SDK1: variants seen among roughly 807,000 people sequenced by gnomAD.
The protein encoded by SDK1 is sidekick cell adhesion molecule 1, also known as protein sidekick-1.
A neutral mutation model predicts 245.5 loss-of-function variants in SDK1; 157 were observed. The ratio of observed to expected loss-of-function variants is 0.64; its 90% CI spans 0.56 to 0.73. SDK1 has a LOEUF of 0.73. Among genes scored for constraint, SDK1 ranks in the 30% least tolerant of loss-of-function variants. The pLI is 0.00. For synonymous variants in SDK1, 1,647 were observed against 1,278.5 expected, an observed-to-expected ratio of 1.29 and a Z score of -6.15; for missense variants, 3,583 against 3,002.3, an observed-to-expected ratio of 1.19 and a Z score of -4.52.
chr7:3,766,909 A>C (rs1780270101), intron 4 of SDK1, among the ~76,000 whole-genome samples: 1 of 152,224 alleles, frequency 6.6e-6, no homozygotes, highest in African/African-American at 2.4e-5. Context: ...CAATATGCCC[A>C]AAAGTGGTTC....
At chr7:3,548,979 T>G (rs1374087892) in intron 1 of SDK1, among the ~76,000 whole-genome samples, 3 of 152,210 alleles carry the variant, frequency 2.0e-5, no homozygotes, top group Non-Finnish European at 4.4e-5. Flanking sequence ...CTCTCCCTAC[T>G]ATCAATATAT....
chr7:3,866,075 G>A (rs892986545), intron 5 of SDK1, among the ~76,000 whole-genome samples: 2 of 152,160 alleles, frequency 1.3e-5, no homozygotes, highest in African/African-American at 4.8e-5. Flanking sequence ...AAAACATTAT[G>A]AATATATTTT....
intron 1 of SDK1, among the ~76,000 whole-genome samples, chr7:3,485,763 C>G (rs1350334211): frequency 8.9e-6 from 1 of 112,994 alleles, no homozygotes; most frequent in Non-Finnish European, 1.7e-5. Context: ...TAAAAATGTT[C>G]CATCTATATT....
chr7:4,013,787 T>G (rs6462534), intron 16 of SDK1, among the ~76,000 whole-genome samples: 45,311 of 152,112 alleles, frequency 0.3, 7,569 homozygotes, highest in African/African-American at 0.46. Context: ...GGTACACAAA[T>G]AGCTCCAATC....
intron 4 of SDK1, among the ~76,000 whole-genome samples, chr7:3,689,347 G>A (rs1452875112): frequency 6.6e-6 from 1 of 152,104 alleles, no homozygotes; most frequent in East Asian, 1.9e-4. Flanking sequence ...ATTGTGTGCA[G>A]TTGTTTCTAA....
intron 1 of SDK1, among the ~76,000 whole-genome samples, chr7:3,366,040 A>C (rs1217498058): frequency 3.8e-5 from 1 of 26,422 alleles, no homozygotes; most frequent in African/African-American, 8.0e-5. Context: ...ATTCTGTCTC[A>C]AAAAAAAAAA....
chr7:4,221,132 A>G (rs1018917157), intron 39 of SDK1, 107 bp from the exon 40 acceptor site: 9 of 1,362,350 alleles, frequency 6.6e-6, no homozygotes, highest in African/African-American at 1.4e-5. Flanking sequence ...CTGCCCAGAC[A>G]CTCTGCAGCC....
intron 22 of SDK1, among the ~76,000 whole-genome samples, chr7:4,086,118 A>G (rs1781412436): frequency 6.6e-6 from 1 of 152,182 alleles, no homozygotes; most frequent in East Asian, 1.9e-4. Flanking sequence ...GGAAGGTGGC[A>G]TATTGCGCCT....
chr7:3,819,383 C>T (rs1430730704), intron 4 of SDK1, among the ~76,000 whole-genome samples: 2 of 151,624 alleles, frequency 1.3e-5, no homozygotes, highest in Non-Finnish European at 2.9e-5. Context: ...TGAAATAATG[C>T]CGTAAATAAT....
chr7:3,593,825 C>T (rs1254780149), intron 1 of SDK1, among the ~76,000 whole-genome samples: 1 of 151,956 alleles, frequency 6.6e-6, no homozygotes, highest in African/African-American at 2.4e-5. Context: ...TGCCACTTCG[C>T]AGCTCTTTTC....
At chr7:3,793,022 T>C (rs962211856) in intron 4 of SDK1, among the ~76,000 whole-genome samples, 13 of 152,142 alleles carry the variant, frequency 8.5e-5, no homozygotes, top group African/African-American at 3.1e-4. Context: ...ATACTGAGAA[T>C]TGTGTAGGAG....
rs563191433 is a variant in SDK1 at position 3,812,561 on chromosome 7, A to G, written c.714-8889A>G. On this transcript the variant is annotated intron_variant, in intron 4 of 44. Coordinates refer to ENST00000404826, the MANE Select transcript of SDK1 (RefSeq NM_152744.4). The stretch of plus-strand genomic sequence containing the variant: ...TATACTTGCCATTATGAGATTAACA[A>G]TGACTCTCCTAGAAAAGGATGCCCG... Among the ~76,000 whole-genome samples the G allele has an allele frequency of 6.6e-4, 100 of 152,332 alleles. 1 individual carries two copies. The highest frequency in any genetic ancestry group is 1.9e-3 in the African/African-American group (80 of 41,572).
In SDK1 at chr7:3,776,008, A is replaced by C. The variant is rs536838525; in HGVS notation, c.714-45442A>C. On this transcript the variant is annotated intron_variant, in intron 4 of 44. Coordinates refer to ENST00000404826, the MANE Select transcript of SDK1 (RefSeq NM_152744.4). ...CCAGTCCCTAACTGTGATCCTAATCACGTGTAACGTATTTCCCACCCTGCA... is the reference window on the plus strand; with the variant it reads ...CCAGTCCCTAACTGTGATCCTAATCCCGTGTAACGTATTTCCCACCCTGCA... Among the ~76,000 whole-genome samples the C allele has an allele frequency of 2.0e-5, 3 of 152,334 alleles. No homozygotes were observed. In the South Asian group the frequency reaches 6.2e-4, roughly 32 times the overall value.
At chr7:3,636,301 A>G (rs550019098) in intron 2 of SDK1, among the ~76,000 whole-genome samples, 2 of 152,356 alleles carry the variant, frequency 1.3e-5, no homozygotes, top group East Asian at 3.9e-4. Flanking sequence ...TATGCTGCAC[A>G]GAAGCTCTGC....
At position 3,845,553 on chromosome 7, in the gene SDK1, G is replaced by C. The variant is rs1780256721; in HGVS notation, c.847+23970G>C. Among the ~76,000 whole-genome samples the C allele has an allele frequency of 2.7e-5, 4 of 150,214 alleles. No individual in the cohort carries two copies. In the South Asian group the frequency reaches 8.4e-4, roughly 32 times the overall value. On this transcript the variant is annotated intron_variant, in intron 5 of 44. Transcript: ENST00000404826. Reference sequence around the variant, plus strand: ...AGCAAGATGTGGAGTGGCCAGGCCTGAAATTTGGGTACGTTAGGCAGGCCA... The same window carrying C: ...AGCAAGATGTGGAGTGGCCAGGCCTCAAATTTGGGTACGTTAGGCAGGCCA...
intron 31 of SDK1, 133 bp downstream of exon 31, chr7:4,158,684 A>C: frequency 1.6e-6 from 1 of 638,234 alleles, no homozygotes; most frequent in Non-Finnish European, 2.8e-6. Flanking sequence ...TCCATTAGTG[A>C]CAGACAGCTC....
In SDK1 at chr7:3,870,686, A is replaced by G. The variant is rs182356415; in HGVS notation, c.847+49103A>G. 1.5e-3 allele frequency among the ~76,000 whole-genome samples: 229 copies of G among 152,336 alleles called. 3 individuals are homozygous for G. Among genetic ancestry groups the G allele is most frequent in the South Asian group, 9.9e-3 (48 of 4,826 alleles). On this transcript the variant is annotated intron_variant, in intron 5 of 44. Transcript: ENST00000404826. ...CAGTTTCCTGTAACATTAACTTTGT[A>G]TATAACCATAATAAATTTATCAAAA...
At chr7:3,553,344 T>C (rs1779475465) in intron 1 of SDK1, among the ~76,000 whole-genome samples, 1 of 152,152 alleles carries the variant, frequency 6.6e-6, no homozygotes, top group Admixed American at 6.5e-5. Context: ...TTGGACAAAA[T>C]GGCACAGACC....
At chr7:4,258,548 C>A (rs527925840) in intron 44 of SDK1, among the ~76,000 whole-genome samples, 2 of 152,386 alleles carry the variant, frequency 1.3e-5, no homozygotes, top group Admixed American at 1.3e-4. Context: ...TATCTCCTCC[C>A]TGCTACTAAA....
Sources: allele counts gnomAD v4.1 joint callset (sites outside exome capture counted in the v4.1 genomes callset), GRCh38; gene constraint gnomAD v4.1.1; transcripts MANE v1.5; gene names NCBI Gene and HGNC (gene_info 2026-07-23, HGNC 2026-07-21).